The following SIPA1L1 variants were observed in gnomAD, a reference collection of about 807,000 sequenced individuals.
The protein encoded by SIPA1L1 is signal-induced proliferation-associated 1-like protein 1.
Under a neutral mutation model 162.7 loss-of-function variants are expected in SIPA1L1, and 26 were observed. The ratio of observed to expected loss-of-function variants is 0.16; its 90% CI spans 0.12 to 0.22. SIPA1L1 has a LOEUF of 0.22. SIPA1L1 is among the 10% of genes least tolerant of loss of function. The probability of loss-of-function intolerance (pLI) is 1.00; values close to 1 mark genes in which losing one functional copy is unlikely to be tolerated. For missense variants in SIPA1L1, 1,874 were observed against 2,241.0 expected (o/e 0.84, Z 3.31); for synonymous variants, 829 against 837.4 (o/e 0.99, Z 0.17).
intron 2 of SIPA1L1, among the ~76,000 whole-genome samples, chr14:71,335,037 C>T (rs568360024): frequency 6.6e-5 from 10 of 152,198 alleles, no homozygotes; most frequent in South Asian, 2.1e-4. Flanking sequence ...TGGTGGCTCA[C>T]GCCTGTAATC....
At chr14:71,646,319 G>A (rs536084516) in intron 7 of SIPA1L1, among the ~76,000 whole-genome samples, 1 of 152,060 alleles carries the variant, frequency 6.6e-6, no homozygotes, top group Admixed American at 6.5e-5. Context: ...TGGGACTACA[G>A]GTGCCCGCCA....
At chr14:71,413,966 A>C (rs1171707276) in intron 2 of SIPA1L1, 1 of 152,212 alleles carries the variant, frequency 6.6e-6, no homozygotes, top group East Asian at 1.9e-4. Context: ...AGATTACCTG[A>C]AGTTGCACTC....
chr14:71,452,384 G>A (rs1426644886), intron 2 of SIPA1L1, among the ~76,000 whole-genome samples: 1 of 152,150 alleles, frequency 6.6e-6, no homozygotes, highest in Non-Finnish European at 1.5e-5. Context: ...TTTTAGTGTA[G>A]TATTCTATAA....
rs569878885 is a variant in SIPA1L1 at position 71,334,989 on chromosome 14, C to T, written c.-465+13808C>T. On this transcript the variant is annotated intron_variant, in intron 2 of 23. Transcript: ENST00000381232. ...TACTTTTATAATCTATACTTTCCTA[C>T]CAGTTGATTGTTCCTTTAAGAATGT... 2.0e-5 allele frequency among the ~76,000 whole-genome samples: 3 copies of T among 152,218 alleles called. No homozygotes were observed. In the South Asian group the frequency reaches 6.2e-4, roughly 32 times the overall value.
At chr14:71,342,520 G>A (rs573660501) in intron 2 of SIPA1L1, among the ~76,000 whole-genome samples, 38 of 152,258 alleles carry the variant, frequency 2.5e-4, no homozygotes, top group African/African-American at 8.2e-4. Flanking sequence ...TGAAAATACC[G>A]AAAATACAAG....
At chr14:71,401,722 C>T (rs1053776577) in intron 2 of SIPA1L1, among the ~76,000 whole-genome samples, 1 of 151,262 alleles carries the variant, frequency 6.6e-6, no homozygotes, top group Non-Finnish European at 1.5e-5. Context: ...TAAATGAATG[C>T]TAAGAAAAAA....
chr14:71,608,867 G>C (rs1002218856), intron 5 of SIPA1L1, among the ~76,000 whole-genome samples: 1 of 152,066 alleles, frequency 6.6e-6, no homozygotes, highest in Non-Finnish European at 1.5e-5. Flanking sequence ...ATTCCAGCCT[G>C]GGTGACAAAG....
At chr14:71,411,998 A>G (rs1386558544) in intron 2 of SIPA1L1, among the ~76,000 whole-genome samples, 1 of 152,204 alleles carries the variant, frequency 6.6e-6, no homozygotes, top group Non-Finnish European at 1.5e-5. Flanking sequence ...TAAGTGGATT[A>G]CTACTGCAGA....
At chr14:71,439,792 C>T (rs1233437829) in intron 2 of SIPA1L1, among the ~76,000 whole-genome samples, 1 of 152,104 alleles carries the variant, frequency 6.6e-6, no homozygotes, top group South Asian at 2.1e-4. Flanking sequence ...ATTCCTTGCC[C>T]AGATGTGAGA....
intron 5 of SIPA1L1, among the ~76,000 whole-genome samples, chr14:71,602,664 G>A (rs929460649): frequency 1.3e-5 from 2 of 152,252 alleles, no homozygotes; most frequent in African/African-American, 4.8e-5. Context: ...GGGTATTGAA[G>A]TCTCTAACTC....
At chr14:71,343,016 CCTG>C (rs1566909706) in intron 2 of SIPA1L1, among the ~76,000 whole-genome samples, 1 of 152,208 alleles carries the variant, frequency 6.6e-6, no homozygotes, top group Non-Finnish European at 1.5e-5. Context: ...GAATTCCACT[CCTG>C]GTGCACTCAT....
At chr14:71,420,533 T>C (rs1246683478) in intron 2 of SIPA1L1, among the ~76,000 whole-genome samples, 1 of 152,192 alleles carries the variant, frequency 6.6e-6, no homozygotes, top group Non-Finnish European at 1.5e-5. Flanking sequence ...AATCACCTAA[T>C]TCCCACCAGA....
At chr14:71,552,167 TGTA>T (rs1345160975) in intron 4 of SIPA1L1, among the ~76,000 whole-genome samples, 1 of 152,134 alleles carries the variant, frequency 6.6e-6, no homozygotes, top group Non-Finnish European at 1.5e-5. Flanking sequence ...TATTATTAAT[TGTA>T]GTAAAGAATA....
In SIPA1L1 at chr14:71,564,490, C is replaced by CT. The variant is rs370431365; in HGVS notation, c.-302-23070dup. Among the ~76,000 whole-genome samples the CT allele has an allele frequency of 1.7e-4, 17 of 97,772 alleles. 1 individual carries two copies. The highest frequency in any genetic ancestry group is 2.3e-4 in the Non-Finnish European group (12 of 52,192). 64.1% of individuals were successfully genotyped at this position (97,772 alleles called of 152,430 possible). ...ACTTCTTATCCTCGGCATTTTCTTT[C>CT]TTTTTTTTTTTCCGAGACAGAGTCT... On this transcript the variant is annotated intron_variant, in intron 4 of 23. Transcript: ENST00000381232.
chr14:71,486,731 C>A (rs1050339912), intron 2 of SIPA1L1, among the ~76,000 whole-genome samples: 1 of 152,124 alleles, frequency 6.6e-6, no homozygotes, highest in Admixed American at 6.6e-5. Context: ...CAGCTTTCGA[C>A]AAATTATTTC....
intron 2 of SIPA1L1, among the ~76,000 whole-genome samples, chr14:71,501,306 C>T (rs893829703): frequency 2.6e-5 from 4 of 151,268 alleles, no homozygotes; most frequent in Admixed American, 1.3e-4. Flanking sequence ...GGTGACAGAG[C>T]GAGACCCTGT....
At chr14:71,332,680 C>T (rs1442181064) in intron 2 of SIPA1L1, among the ~76,000 whole-genome samples, 1 of 152,100 alleles carries the variant, frequency 6.6e-6, no homozygotes, top group Non-Finnish European at 1.5e-5. Flanking sequence ...TATGACTAGT[C>T]CTGGGTTTGA....
rs187032736 is a variant in SIPA1L1, at chr14:71,672,705, G to A, written c.3104+83G>A. 6.7e-5 allele frequency: 96 copies of A among 1,433,886 alleles called. No individual in the cohort carries two copies. In the African/African-American group the frequency reaches 1.2e-3, roughly 19 times the overall value. 88.8% of individuals were successfully genotyped at this position (1,433,886 alleles called of 1,614,324 possible). On this transcript the variant is annotated intron_variant, in intron 12 of 23. Transcript: ENST00000381232. The stretch of plus-strand genomic sequence containing the variant: ...GTAGAACATCTCTTAGCAGGTAGTG[G>A]AGTAGGGTGTTGTGAAGAACAATAG...
In SIPA1L1 at chr14:71,588,587, A is replaced by G. The variant is rs778454924; in HGVS notation, c.715A>G (p.Thr239Ala). 14 of 1,613,918 alleles carry G rather than the reference A, an allele frequency of 8.7e-6. No homozygotes were observed. The highest frequency in any genetic ancestry group is 3.3e-4 in the Middle Eastern group (2 of 6,084). ...AGATGACAAATCTGATCGAGGTCCA[A>G]CTCCAACCAAGCTCAGTGACTTTCT... The part of the protein sequence containing the change: ...YKDDKSDRGP[T>A]PTKLSDFLIT... Residue 239 changes from threonine to alanine, a missense_variant, in exon 5 of 24, where the codon ACT becomes GCT. By Grantham distance (58) the Thr-to-Ala change is moderately conservative (BLOSUM62 0). This residue lies in a region of SIPA1L1 where 685 missense variants were observed against 828.0 expected (regional missense o/e 0.83). Coordinates refer to ENST00000381232, the MANE Select transcript of SIPA1L1 (RefSeq NM_001386936.1). The surrounding 1 kb of genome is among the most constrained non-coding windows in gnomAD (Gnocchi z 4.3).
Sources: allele counts gnomAD v4.1 joint callset (sites outside exome capture counted in the v4.1 genomes callset), GRCh38; gene constraint gnomAD v4.1.1; regional missense constraint gnomAD v4.1.1; non-coding constraint Gnocchi (gnomAD v3.1); transcripts MANE v1.5; gene names NCBI Gene and HGNC (gene_info 2026-07-23, HGNC 2026-07-21).